The following KIAA1217 variants were observed in gnomAD, a reference collection of about 807,000 sequenced individuals.
KIAA1217 encodes KIAA1217.
KIAA1217 carries 88 observed loss-of-function variants against 163.9 expected under a neutral mutation model. That is an observed-to-expected ratio of 0.54 (90% CI 0.45 to 0.64). The LOEUF is 0.64. Ranked by LOEUF, KIAA1217 falls within the 30% of genes least tolerant of loss-of-function variation. The pLI, the probability that KIAA1217 is intolerant of heterozygous loss-of-function variation, is 0.00. For missense variants in KIAA1217, 2,372 were observed against 2,475.0 expected (o/e 0.96, Z 0.88); for synonymous variants, 903 against 923.1 (o/e 0.98, Z 0.39).
chr10:24,379,687 C>G (rs1396661528), intron 2 of KIAA1217, among the ~76,000 whole-genome samples: 1 of 152,118 alleles, frequency 6.6e-6, no homozygotes, highest in Non-Finnish European at 1.5e-5. Context: ...TTGGGCATCC[C>G]TGAAACAAAT....
chr10:23,773,643 C>T (rs1345635006), intron 1 of KIAA1217, among the ~76,000 whole-genome samples: 1 of 152,144 alleles, frequency 6.6e-6, no homozygotes, highest in Non-Finnish European at 1.5e-5. Flanking sequence ...TTTCCTTGAG[C>T]AGTGGTTTGT....
At chr10:23,959,234 T>C (rs534798993) in intron 1 of KIAA1217, among the ~76,000 whole-genome samples, 1 of 152,230 alleles carries the variant, frequency 6.6e-6, no homozygotes, top group South Asian at 2.1e-4. Flanking sequence ...CTGAGGCCTC[T>C]ATAATAAAAG....
intron 1 of KIAA1217, among the ~76,000 whole-genome samples, chr10:23,848,198 G>A (rs1232054786): frequency 6.6e-6 from 1 of 152,044 alleles, no homozygotes; most frequent in African/African-American, 2.4e-5. Context: ...GTTGATTTGG[G>A]ATGGACGGTT....
intron 2 of KIAA1217, among the ~76,000 whole-genome samples, chr10:24,299,053 C>A (rs1419781375): frequency 6.6e-6 from 1 of 152,080 alleles, no homozygotes; most frequent in Admixed American, 6.5e-5. Context: ...CCTTAAAACA[C>A]CTAGCACAGA....
At chr10:24,330,512 T>C (rs2045537292) in intron 2 of KIAA1217, among the ~76,000 whole-genome samples, 1 of 152,188 alleles carries the variant, frequency 6.6e-6, no homozygotes, top group South Asian at 2.1e-4. Context: ...AATCCATACA[T>C]AGGCTTCCAG....
At chr10:23,935,277 G>A (rs1288878058) in intron 1 of KIAA1217, among the ~76,000 whole-genome samples, 2 of 152,162 alleles carry the variant, frequency 1.3e-5, no homozygotes, top group African/African-American at 2.4e-5. Context: ...GGGCTTATTT[G>A]TAATTATTAA....
At chr10:24,468,000 C>G (rs774977823) in intron 5 of KIAA1217, among the ~76,000 whole-genome samples, 5 of 152,168 alleles carry the variant, frequency 3.3e-5, no homozygotes, top group Non-Finnish European at 4.4e-5. Flanking sequence ...GTGTTGGTGA[C>G]AGATTCTAGG....
chr10:23,937,924 G>C (rs918223071), intron 1 of KIAA1217, among the ~76,000 whole-genome samples: 2 of 152,166 alleles, frequency 1.3e-5, no homozygotes, highest in African/African-American at 4.8e-5. Context: ...CACAGGGAGA[G>C]GGAACCCAGT....
At chr10:24,538,566 G>A (rs111428927) in intron 17 of KIAA1217, among the ~76,000 whole-genome samples, 124 of 83,952 alleles carry the variant, frequency 1.5e-3, no homozygotes, top group Admixed American at 2.5e-3. Context: ...GGGAGGGAGG[G>A]AGGAAGGAAG....
intron 3 of KIAA1217, among the ~76,000 whole-genome samples, chr10:24,424,893 G>A (rs866889463): frequency 6.6e-6 from 1 of 152,094 alleles, no homozygotes; most frequent in Non-Finnish European, 1.5e-5. Flanking sequence ...GAGCCACCGC[G>A]CCCGGCCTCT....
rs896672510 is a variant in KIAA1217, at chr10:24,419,569, T to C, written c.554-13426T>C. Among the ~76,000 whole-genome samples, 15 of 152,274 alleles carry C rather than the reference T, an allele frequency of 9.9e-5. 1 individual carries two copies. Among genetic ancestry groups the C allele is most frequent in the Admixed American group, 3.3e-4 (5 of 15,286 alleles). ...TAGTGACCTCATACAGAAGATTAAA[T>C]GAATTAATATGTGGAAGAGTTTGGA... On this transcript the variant is annotated intron_variant, in intron 3 of 20. Transcript: ENST00000376454.
intron 2 of KIAA1217, among the ~76,000 whole-genome samples, chr10:24,253,911 T>C (rs2074844098): frequency 6.6e-6 from 1 of 151,904 alleles, no homozygotes; most frequent in Non-Finnish European, 1.5e-5. Flanking sequence ...TGAGACTCTG[T>C]CTCAAAAAGA....
upstream of KIAA1217, chr10:24,208,850 C>A (rs928932636): frequency 8.0e-6 from 2 of 248,562 alleles, no homozygotes; most frequent in African/African-American, 2.3e-5. Context: ...TAGGAGAGGC[C>A]GTCACCTGTT....
At chr10:24,506,211 G>C (rs1282834604) in intron 9 of KIAA1217, among the ~76,000 whole-genome samples, 2 of 152,196 alleles carry the variant, frequency 1.3e-5, no homozygotes, top group Non-Finnish European at 2.9e-5. Context: ...GGTGGGATCA[G>C]GAGTCGTTCT....
intron 2 of KIAA1217, among the ~76,000 whole-genome samples, chr10:24,193,918 T>A (rs2066852823): frequency 7.3e-6 from 1 of 137,870 alleles, no homozygotes; most frequent in Non-Finnish European, 1.6e-5. Context: ...CCAGGTGCGG[T>A]GGTTCACACC....
At chr10:24,075,932 G>A (rs188168980) in intron 2 of KIAA1217, among the ~76,000 whole-genome samples, 2 of 146,578 alleles carry the variant, frequency 1.4e-5, no homozygotes, top group African/African-American at 5.5e-5. Flanking sequence ...GCTTATCAAT[G>A]AACCTTAATT....
chr10:23,869,349 G>A (rs370960831), intron 1 of KIAA1217, among the ~76,000 whole-genome samples: 4 of 151,816 alleles, frequency 2.6e-5, no homozygotes, highest in South Asian at 2.1e-4. Flanking sequence ...TGAAATAAAC[G>A]TGATGTGTTC....
At chr10:23,711,362 C>T (rs934319516) in intron 1 of KIAA1217, among the ~76,000 whole-genome samples, 3 of 152,068 alleles carry the variant, frequency 2.0e-5, no homozygotes, top group Non-Finnish European at 2.9e-5. Flanking sequence ...AGGGTCCTTA[C>T]AAGAGGGAGG....
rs192095572 is a variant in KIAA1217, at chr10:24,500,376, T to C, written c.1835-1003T>C. On this transcript the variant is annotated intron_variant, in intron 8 of 20. Coordinates refer to ENST00000376454, the MANE Select transcript of KIAA1217 (RefSeq NM_019590.5). ...CTTTATTAGTAATATGGATCCAGCC[T>C]CTACTCCAGAAGAGTGTGTGCGTGT... Among the ~76,000 whole-genome samples the C allele has an allele frequency of 4.6e-4, 64 of 140,500 alleles. 1 individual carries two copies. The highest frequency in any genetic ancestry group is 1.7e-3 in the African/African-American group (61 of 36,898). 92.2% of individuals were successfully genotyped at this position (140,500 alleles called of 152,430 possible).
Sources: gnomAD v4.1 joint callset for allele counts (sites outside exome capture counted in the v4.1 genomes callset) on GRCh38, gnomAD v4.1.1 for gene constraint, MANE v1.5 for transcripts, NCBI Gene and HGNC (gene_info 2026-07-23, HGNC 2026-07-21) for gene names.